Variants in TBCA observed in about 807,000 individuals in gnomAD.
TBCA encodes tubulin-specific chaperone A.
In TBCA, 6 loss-of-function variants were observed where a neutral mutation model predicts 15.8. The ratio of observed to expected loss-of-function variants is 0.38; its 90% CI spans 0.21 to 0.75. TBCA has a LOEUF of 0.75. Ranked by LOEUF, TBCA falls within the 30% of genes least tolerant of loss-of-function variation. The pLI is 0.46. For synonymous variants in TBCA, 32 were observed against 42.3 expected, an observed-to-expected ratio of 0.76 and a Z score of 0.94; for missense variants, 90 against 131.2, an observed-to-expected ratio of 0.69 and a Z score of 1.53.
intron 1 of TBCA, among the ~76,000 whole-genome samples, chr5:77,761,237 C>T (rs957119399): frequency 2.0e-5 from 3 of 151,692 alleles, no homozygotes; most frequent in African/African-American, 7.3e-5. Flanking sequence ...AGATTGTTAC[C>T]GTGTCTGTGT....
chr5:77,744,531 C>CATTT (rs145894415), intron 1 of TBCA, among the ~76,000 whole-genome samples: 1 of 82,968 alleles, frequency 1.2e-5, no homozygotes, highest in Non-Finnish European at 2.2e-5. Flanking sequence ...TCTTATTCAC[C>CATTT]TTTTTTTTTT....
chr5:77,741,565 T>C (rs532046849), intron 1 of TBCA, among the ~76,000 whole-genome samples: 1 of 151,928 alleles, frequency 6.6e-6, no homozygotes, highest in South Asian at 2.1e-4. Flanking sequence ...AGAAAAAAAA[T>C]AGATTTTTTT....
intron 1 of TBCA, among the ~76,000 whole-genome samples, chr5:77,775,723 G>A (rs997655146): frequency 6.6e-6 from 1 of 152,192 alleles, no homozygotes; most frequent in Admixed American, 6.5e-5. Context: ...TAGGTCACAC[G>A]GCTCCACTAC....
intron 1 of TBCA, among the ~76,000 whole-genome samples, chr5:77,750,246 T>C (rs1357137562): frequency 6.6e-6 from 1 of 151,836 alleles, no homozygotes; most frequent in Non-Finnish European, 1.5e-5. Flanking sequence ...TATATCCTAT[T>C]CAAAAAATTA....
At chr5:77,697,525 A>G (rs1745898932) in intron 2 of TBCA, among the ~76,000 whole-genome samples, 1 of 152,090 alleles carries the variant, frequency 6.6e-6, no homozygotes, top group Non-Finnish European at 1.5e-5. Flanking sequence ...TAAGTAGCCC[A>G]TGGGCCAAAA....
intron 1 of TBCA, among the ~76,000 whole-genome samples, chr5:77,727,940 A>C (rs918394730): frequency 6.6e-6 from 1 of 152,272 alleles, no homozygotes; most frequent in Non-Finnish European, 1.5e-5. Context: ...AGGTATAGTT[A>C]ATCAGGTCAA....
intron 3 of TBCA, chr5:77,692,489 T>C: frequency 2.1e-6 from 2 of 932,992 alleles, no homozygotes; most frequent in Non-Finnish European, 2.6e-6. Context: ...GATTTCACCA[T>C]GTTGGTCAGG....
At chr5:77,775,024 C>T (rs1431020146) in intron 1 of TBCA, among the ~76,000 whole-genome samples, 1 of 151,264 alleles carries the variant, frequency 6.6e-6, no homozygotes, top group Non-Finnish European at 1.5e-5. Flanking sequence ...GACAATTTGC[C>T]CCCAAGGAAA....
chr5:77,754,384 T>A (rs1260297073), intron 1 of TBCA, among the ~76,000 whole-genome samples: 2 of 152,208 alleles, frequency 1.3e-5, no homozygotes, highest in Non-Finnish European at 2.9e-5. Context: ...AAGAATATAT[T>A]TTTTAGAATG....
At chr5:77,717,733 G>A (rs1301239489) in intron 1 of TBCA, among the ~76,000 whole-genome samples, 6 of 152,266 alleles carry the variant, frequency 3.9e-5, no homozygotes, top group East Asian at 3.9e-4. Flanking sequence ...TCGGGAGGCT[G>A]AGGCAGGAGA....
intron 1 of TBCA, among the ~76,000 whole-genome samples, chr5:77,760,285 G>C (rs1466801495): frequency 6.6e-6 from 1 of 152,144 alleles, no homozygotes; most frequent in Non-Finnish European, 1.5e-5. Context: ...GCCAGTTTAT[G>C]TAAGGAAAAA....
chr5:77,697,140 T>C (rs1452879192), intron 2 of TBCA, among the ~76,000 whole-genome samples: 1 of 152,110 alleles, frequency 6.6e-6, no homozygotes, highest in Non-Finnish European at 1.5e-5. Flanking sequence ...CAAATCCATA[T>C]ACATAAGCTG....
chr5:77,733,743 A>C (rs908254931), intron 1 of TBCA, among the ~76,000 whole-genome samples: 1 of 152,250 alleles, frequency 6.6e-6, no homozygotes, highest in African/African-American at 2.4e-5. Context: ...TGATCTAGCT[A>C]AGATCACTGA....
At chr5:77,761,168 G>C (rs995350681) in intron 1 of TBCA, among the ~76,000 whole-genome samples, 1 of 152,062 alleles carries the variant, frequency 6.6e-6, no homozygotes, top group Non-Finnish European at 1.5e-5. Context: ...GGGCCATGAT[G>C]ATGATGGTGG....
At chr5:77,738,172 T>A (rs1279371279) in intron 1 of TBCA, among the ~76,000 whole-genome samples, 1 of 152,224 alleles carries the variant, frequency 6.6e-6, no homozygotes, top group Non-Finnish European at 1.5e-5. Context: ...ATGGGGCTTT[T>A]TATTGTTATT....
intron 1 of TBCA, among the ~76,000 whole-genome samples, chr5:77,765,186 A>T (rs949231803): frequency 1.3e-5 from 2 of 152,198 alleles, no homozygotes; most frequent in African/African-American, 4.8e-5. Flanking sequence ...TCTACATTCA[A>T]TCTGTTGCAG....
intron 1 of TBCA, among the ~76,000 whole-genome samples, chr5:77,728,921 C>T (rs190673752): frequency 1.3e-5 from 2 of 152,192 alleles, no homozygotes; most frequent in East Asian, 1.9e-4. Flanking sequence ...GTGGGCCCGC[C>T]ATAAGTGGAC....
intron 2 of TBCA, among the ~76,000 whole-genome samples, chr5:77,707,552 GA>G (rs1453739813): frequency 6.6e-6 from 1 of 152,072 alleles, no homozygotes; most frequent in Non-Finnish European, 1.5e-5. Context: ...TTGAGACAGG[GA>G]TTGGTAAGAA....
intron 1 of TBCA, 115 bp downstream of exon 1, chr5:77,776,090 C>T (rs1026821940): frequency 9.9e-6 from 13 of 1,311,398 alleles, no homozygotes; most frequent in Admixed American, 2.2e-5. Context: ...GCCCCGGGTG[C>T]GGCCTGGAGT....
Sources: gnomAD v4.1 joint callset for allele counts (sites outside exome capture counted in the v4.1 genomes callset) on GRCh38, gnomAD v4.1.1 for gene constraint, MANE v1.5 for transcripts, NCBI Gene and HGNC (gene_info 2026-07-23, HGNC 2026-07-21) for gene names.